Variants in AUTS2 observed in about 807,000 individuals in gnomAD.
AUTS2 encodes the protein autism susceptibility gene 2 protein.
In AUTS2, 17 loss-of-function variants were observed where a neutral mutation model predicts 112.4. The ratio of observed to expected loss-of-function variants is 0.15; its 90% CI spans 0.10 to 0.23. AUTS2 has a LOEUF of 0.23. Ranked by LOEUF, AUTS2 falls within the 10% of genes least tolerant of loss-of-function variation. AUTS2 has a pLI of 1.00. For synonymous variants in AUTS2, 751 were observed against 702.7 expected, an observed-to-expected ratio of 1.07 and a Z score of -1.09; for missense variants, 1,510 against 1,701.6, an observed-to-expected ratio of 0.89 and a Z score of 1.98.
intron 2 of AUTS2, among the ~76,000 whole-genome samples, chr7:70,025,645 A>G (rs1003838844): frequency 1.3e-5 from 2 of 151,510 alleles, no homozygotes; most frequent in Non-Finnish European, 2.9e-5. Flanking sequence ...TAGTAGGGAC[A>G]GAGTTTCACT....
At chr7:70,669,309 T>C (rs1807513304) in intron 5 of AUTS2, among the ~76,000 whole-genome samples, 2 of 152,230 alleles carry the variant, frequency 1.3e-5, no homozygotes, top group African/African-American at 4.8e-5. Context: ...TGCTTGGGTG[T>C]GTTTGTGGGA....
At chr7:69,965,201 C>T (rs879043103) in intron 2 of AUTS2, among the ~76,000 whole-genome samples, 2 of 152,200 alleles carry the variant, frequency 1.3e-5, no homozygotes, top group Admixed American at 1.3e-4. Flanking sequence ...CCCCACTGTC[C>T]CCACGGCTAT....
intron 4 of AUTS2, among the ~76,000 whole-genome samples, chr7:70,170,198 C>T (rs556317078): frequency 5.5e-4 from 77 of 138,830 alleles, no homozygotes; most frequent in African/African-American, 1.9e-3. Flanking sequence ...CTTACTTCTT[C>T]GCCCAGGCTG....
At chr7:70,248,443 A>G (rs1378472425) in intron 4 of AUTS2, among the ~76,000 whole-genome samples, 1 of 152,016 alleles carries the variant, frequency 6.6e-6, no homozygotes, top group Admixed American at 6.6e-5. Flanking sequence ...TGTTTTAGGT[A>G]TGTTTCTTAT....
chr7:70,484,272 C>T (rs1797899911), intron 5 of AUTS2, among the ~76,000 whole-genome samples: 1 of 152,202 alleles, frequency 6.6e-6, no homozygotes, highest in South Asian at 2.1e-4. Flanking sequence ...ATTTTACAGC[C>T]TAGCAAAGTT....
intron 1 of AUTS2, among the ~76,000 whole-genome samples, chr7:69,786,069 G>T (rs7786126): frequency 1 from 152,263 of 152,268 alleles, 76,129 homozygotes; most frequent in Middle Eastern, 1. Flanking sequence ...TGACCTCAGG[G>T]TGAGAGGTGA....
At chr7:70,545,582 C>A (rs1208832204) in intron 5 of AUTS2, among the ~76,000 whole-genome samples, 1 of 152,190 alleles carries the variant, frequency 6.6e-6, no homozygotes, top group Non-Finnish European at 1.5e-5. Flanking sequence ...AGAAAATGGT[C>A]CGTTCATGTT....
chr7:70,598,703 G>A (rs904670461), intron 5 of AUTS2, among the ~76,000 whole-genome samples: 2 of 152,164 alleles, frequency 1.3e-5, no homozygotes, highest in African/African-American at 4.8e-5. Flanking sequence ...TGACAAGTGG[G>A]TGTTTGGTAG....
chr7:69,972,521 T>G (rs1797888645), intron 2 of AUTS2, among the ~76,000 whole-genome samples: 1 of 152,204 alleles, frequency 6.6e-6, no homozygotes, highest in South Asian at 2.1e-4. Flanking sequence ...CTTAAAACTC[T>G]TTGCTTATCC....
chr7:70,751,904 T>TC (rs1418198707), intron 6 of AUTS2, among the ~76,000 whole-genome samples: 1 of 150,992 alleles, frequency 6.6e-6, no homozygotes, highest in African/African-American at 2.5e-5. Flanking sequence ...TTTTTTTTTT[T>TC]AGTAGAGACA....
chr7:70,359,470 G>A (rs533767423), intron 4 of AUTS2, among the ~76,000 whole-genome samples: 8 of 152,276 alleles, frequency 5.3e-5, no homozygotes, highest in African/African-American at 1.4e-4. Flanking sequence ...TTCAAGGGGC[G>A]TGGCACTGGC....
chr7:69,834,538 G>T (rs1215208658), intron 1 of AUTS2, among the ~76,000 whole-genome samples: 2 of 152,178 alleles, frequency 1.3e-5, no homozygotes, highest in African/African-American at 2.4e-5. Flanking sequence ...TACACAGGAG[G>T]AATTGCTGCT....
At chr7:69,778,642 T>G (rs907528604) in intron 1 of AUTS2, among the ~76,000 whole-genome samples, 13 of 151,964 alleles carry the variant, frequency 8.6e-5, no homozygotes, top group Admixed American at 4.6e-4. Flanking sequence ...GAATGATAAA[T>G]AAAGAAAAAG....
At chr7:70,557,185 T>C (rs189198179) in intron 5 of AUTS2, among the ~76,000 whole-genome samples, 3 of 152,332 alleles carry the variant, frequency 2.0e-5, no homozygotes, top group Admixed American at 2.0e-4. Flanking sequence ...GGGAGTTTCA[T>C]CTTTAATGCC....
intron 4 of AUTS2, chr7:70,290,413 G>A: frequency 6.5e-7 from 1 of 1,537,062 alleles, no homozygotes; most frequent in African/African-American, 1.4e-5. Context: ...TCTTAAATCT[G>A]GAAATGATAT....
At chr7:70,457,729 GAGCCGCAGA>G (rs1796802997) in intron 5 of AUTS2, among the ~76,000 whole-genome samples, 1 of 152,194 alleles carries the variant, frequency 6.6e-6, no homozygotes, top group Non-Finnish European at 1.5e-5. Context: ...GTCCCATACA[GAGCCGCAGA>G]TGCCTGGTTT....
chr7:70,714,599 A>C (rs975523126), intron 6 of AUTS2, among the ~76,000 whole-genome samples: 2 of 152,356 alleles, frequency 1.3e-5, no homozygotes. Flanking sequence ...CATGTCTTAA[A>C]TCTAGAGTGC....
chr7:70,136,642 G>A (rs1397528003), intron 4 of AUTS2, among the ~76,000 whole-genome samples: 1 of 152,090 alleles, frequency 6.6e-6, no homozygotes, highest in Non-Finnish European at 1.5e-5. Context: ...TGTAAAGAAG[G>A]CTCAGCTTCA....
At position 69,851,675 on chromosome 7, in the gene AUTS2, A is replaced by G. The variant is rs868411532; in HGVS notation, c.310-47611A>G. On this transcript the variant is annotated intron_variant, in intron 1 of 18. Coordinates refer to ENST00000342771, the MANE Select transcript of AUTS2 (RefSeq NM_015570.4). ...CATCTTTGATTTCTTTCCATCAGCA[A>G]TTTGTAGTTTTTAGCATACAGGTCC... 3.9e-5 allele frequency among the ~76,000 whole-genome samples: 6 copies of G among 152,252 alleles called. 1 individual carries two copies. The highest frequency in any genetic ancestry group is 3.4e-3 in the Middle Eastern group (1 of 294).
Sources: allele counts gnomAD v4.1 joint callset (sites outside exome capture counted in the v4.1 genomes callset), GRCh38; gene constraint gnomAD v4.1.1; transcripts MANE v1.5; gene names NCBI Gene and HGNC (gene_info 2026-07-23, HGNC 2026-07-21).